The following TECRL variants were observed in gnomAD, a reference collection of about 807,000 sequenced individuals.
The protein encoded by TECRL is trans-2,3-enoyl-CoA reductase like, also known as trans-2,3-enoyl-CoA reductase-like.
Under a neutral mutation model 52.8 loss-of-function variants are expected in TECRL, and 63 were observed. The observed-to-expected ratio is 1.19, with a 90% CI of 0.97 to 1.47. The LOEUF is 1.47. Among genes scored for constraint, TECRL ranks in the 40% most tolerant of loss-of-function variants. The pLI is 0.00. For synonymous variants in TECRL, 164 were observed against 141.9 expected (o/e 1.16, Z -1.10); for missense variants, 482 against 429.6 (o/e 1.12, Z -1.08).
intron 2 of TECRL, among the ~76,000 whole-genome samples, chr4:64,368,517 A>G (rs922565750): frequency 6.6e-6 from 1 of 152,046 alleles, no homozygotes; most frequent in Non-Finnish European, 1.5e-5. Context: ...GCTGGTCTCA[A>G]ACTCCTGACC....
At chr4:64,378,154 G>T (rs946355853) in intron 1 of TECRL, among the ~76,000 whole-genome samples, 2 of 152,092 alleles carry the variant, frequency 1.3e-5, no homozygotes, top group African/African-American at 4.8e-5. Flanking sequence ...CCAAATGCAG[G>T]TTTCCTACGT....
chr4:64,295,607 C>T (rs1560477452), intron 8 of TECRL, among the ~76,000 whole-genome samples: 1 of 151,570 alleles, frequency 6.6e-6, no homozygotes, highest in Non-Finnish European at 1.5e-5. Context: ...AGTTAGTTTA[C>T]ATACACTAAC....
At chr4:64,343,483 C>A (rs1257047130) in intron 2 of TECRL, among the ~76,000 whole-genome samples, 1 of 151,876 alleles carries the variant, frequency 6.6e-6, no homozygotes, top group African/African-American at 2.4e-5. Flanking sequence ...GTAGTTGTTG[C>A]TCAACAGGAA....
At chr4:64,289,597 A>G (rs1293694742) in intron 9 of TECRL, 113 bp downstream of exon 9, 3 of 804,774 alleles carry the variant, frequency 3.7e-6, no homozygotes, top group Non-Finnish European at 5.7e-6. Context: ...AATGTGGCAC[A>G]TGTATTTCCA....
At position 64,289,752 on chromosome 4, in the gene TECRL, T is replaced by C; in HGVS notation, c.790A>G (p.Asn264Asp). The C allele has an allele frequency of 1.3e-6, 2 of 1,549,212 alleles. No homozygotes were observed. Among genetic ancestry groups the C allele is most frequent in the Non-Finnish European group, 1.7e-6 (2 of 1,157,598 alleles). ...AINFLICEAG[N>D]HFINVMLSHP... ...GACAACATTACATTGATGAAATGAT[T>C]CCCAGCTTCACAAATCTGCAAAACA... The change falls in exon 9 of 12, where the codon AAT (asparagine) becomes GAT (aspartate). Residue 264 changes from asparagine to aspartate, a missense_variant. By Grantham distance (23) the Asn-to-Asp change is conservative. Transcript: ENST00000381210.
At chr4:64,308,545 C>T (rs898952397) in intron 6 of TECRL, among the ~76,000 whole-genome samples, 4 of 152,132 alleles carry the variant, frequency 2.6e-5, no homozygotes, top group South Asian at 4.1e-4. Context: ...ACATAAAAGG[C>T]CCAGAATTTA....
rs543515907 is a variant in TECRL at position 64,363,983 on chromosome 4, G to A, written c.286+11189C>T. 5.3e-5 allele frequency among the ~76,000 whole-genome samples: 8 copies of A among 152,016 alleles called. No homozygotes were observed. The South Asian group carries it at 8.3e-4, about 16-fold the overall frequency. On this transcript the variant is annotated intron_variant, in intron 2 of 11. Transcript: ENST00000381210. ...ATACATTATTATTTTCACACCACAC[G>A]TAATCTAAGATCAACCACGTACTTG...
At chr4:64,372,595 G>T (rs1258012633) in intron 2 of TECRL, among the ~76,000 whole-genome samples, 4 of 151,624 alleles carry the variant, frequency 2.6e-5, no homozygotes, top group Non-Finnish European at 5.9e-5. Context: ...AGTAAAAAAA[G>T]TTCTAAAATA....
intron 1 of TECRL, among the ~76,000 whole-genome samples, chr4:64,400,231 C>A (rs140886007): frequency 6.6e-6 from 1 of 152,138 alleles, no homozygotes; most frequent in Non-Finnish European, 1.5e-5. Context: ...AGGTTTTGGA[C>A]TTGCATGGAC....
chr4:64,375,412 A>T (rs905586135), intron 1 of TECRL, among the ~76,000 whole-genome samples, 189 bp from the exon 2 acceptor site: 6 of 151,950 alleles, frequency 3.9e-5, no homozygotes, highest in Admixed American at 1.3e-4. Flanking sequence ...TAATTTTTTA[A>T]AAAAATTTGT....
chr4:64,368,207 C>A (rs768174709), intron 2 of TECRL, among the ~76,000 whole-genome samples: 6 of 151,934 alleles, frequency 3.9e-5, no homozygotes, highest in Admixed American at 6.6e-5. Flanking sequence ...AAAATGAATT[C>A]ATGAATAATT....
chr4:64,290,062 G>A (rs1319260636), intron 8 of TECRL, among the ~76,000 whole-genome samples: 1 of 152,080 alleles, frequency 6.6e-6, no homozygotes, highest in East Asian at 1.9e-4. Context: ...TTGTTACTAT[G>A]GGGAGACTTC....
intron 2 of TECRL, among the ~76,000 whole-genome samples, chr4:64,372,693 A>C (rs1170395579): frequency 2.0e-5 from 3 of 151,718 alleles, no homozygotes; most frequent in African/African-American, 7.2e-5. Flanking sequence ...CAAAAGATAG[A>C]GATAAAAGAC....
At chr4:64,285,161 C>A (rs1228479395) in intron 9 of TECRL, among the ~76,000 whole-genome samples, 1 of 151,782 alleles carries the variant, frequency 6.6e-6, no homozygotes, top group African/African-American at 2.4e-5. Context: ...ACTGTCATAC[C>A]CTCTGAGAAA....
intron 1 of TECRL, among the ~76,000 whole-genome samples, chr4:64,396,235 A>G (rs1191565402): frequency 6.6e-6 from 1 of 152,172 alleles, no homozygotes; most frequent in Non-Finnish European, 1.5e-5. Flanking sequence ...AAATTCTTTG[A>G]GAAATCTCCA....
chr4:64,381,220 G>A (rs532608580), intron 1 of TECRL, among the ~76,000 whole-genome samples: 1 of 151,862 alleles, frequency 6.6e-6, no homozygotes, highest in Non-Finnish European at 1.5e-5. Context: ...AAATGCTACT[G>A]ATTTTCATAT....
At chr4:64,363,456 C>T (rs926752686) in intron 2 of TECRL, among the ~76,000 whole-genome samples, 6 of 152,106 alleles carry the variant, frequency 3.9e-5, no homozygotes, top group East Asian at 1.9e-4. Context: ...AGTTTTGCCA[C>T]GAGAGTACAC....
chr4:64,359,830 A>G (rs1028952272), intron 2 of TECRL, among the ~76,000 whole-genome samples: 2 of 152,138 alleles, frequency 1.3e-5, no homozygotes, highest in Non-Finnish European at 2.9e-5. Context: ...AATATATAGC[A>G]ATATAAATTT....
At chr4:64,303,088 A>C (rs1287404249) in intron 7 of TECRL, among the ~76,000 whole-genome samples, 1 of 151,468 alleles carries the variant, frequency 6.6e-6, no homozygotes, top group Non-Finnish European at 1.5e-5. Flanking sequence ...TTATGATGCA[A>C]TATATAAGCA....
Sources: gnomAD v4.1 joint callset for allele counts (sites outside exome capture counted in the v4.1 genomes callset) on GRCh38, gnomAD v4.1.1 for gene constraint, MANE v1.5 for transcripts, NCBI Gene and HGNC (gene_info 2026-07-23, HGNC 2026-07-21) for gene names.